The following RALYL variants were observed in gnomAD, a reference collection of about 807,000 sequenced individuals.
The protein encoded by RALYL is RNA-binding Raly-like protein.
RALYL carries 29 observed loss-of-function variants against 35.1 expected under a neutral mutation model. The ratio of observed to expected loss-of-function variants is 0.83; its 90% CI spans 0.61 to 1.13. The LOEUF (loss-of-function observed/expected upper bound fraction) is 1.13. Ranked by LOEUF, RALYL falls within the 50% of genes most tolerant of loss-of-function variation. The probability of loss-of-function intolerance (pLI) is 0.00; values close to 1 mark genes in which losing one functional copy is unlikely to be tolerated. For missense variants in RALYL, 359 were observed against 360.4 expected, an observed-to-expected ratio of 1.00 and a Z score of 0.03; for synonymous variants, 120 against 127.6, an observed-to-expected ratio of 0.94 and a Z score of 0.40.
chr8:84,633,818 A>G (rs1385361064), intron 2 of RALYL, among the ~76,000 whole-genome samples: 1 of 151,872 alleles, frequency 6.6e-6, no homozygotes, highest in Non-Finnish European at 1.5e-5. Context: ...CACCATAGAA[A>G]GATCCATCAA....
chr8:84,702,824 A>G (rs7014897), intron 2 of RALYL, among the ~76,000 whole-genome samples: 29,743 of 152,176 alleles, frequency 0.2, 3,147 homozygotes, highest in Non-Finnish European at 0.23. Context: ...CAATGTATCA[A>G]TGCTCACTAG....
intron 1 of RALYL, among the ~76,000 whole-genome samples, chr8:84,422,843 A>C (rs1052623151): frequency 6.7e-6 from 1 of 148,848 alleles, no homozygotes; most frequent in Non-Finnish European, 1.5e-5. Flanking sequence ...TTCAGTTTCC[A>C]TGTAGTTGAG....
chr8:84,582,175 C>A (rs1397665209), intron 2 of RALYL, among the ~76,000 whole-genome samples: 1 of 152,050 alleles, frequency 6.6e-6, no homozygotes. Context: ...CTATATATTT[C>A]AATATATTCA....
At chr8:84,468,710 G>T (rs1432070442) in intron 1 of RALYL, among the ~76,000 whole-genome samples, 2 of 150,696 alleles carry the variant, frequency 1.3e-5, no homozygotes, top group South Asian at 2.1e-4. Flanking sequence ...GACTGGGGAA[G>T]TTCTCCTGGA....
intron 2 of RALYL, among the ~76,000 whole-genome samples, chr8:84,591,741 C>A (rs1813337563): frequency 6.6e-6 from 1 of 152,066 alleles, no homozygotes; most frequent in Admixed American, 6.6e-5. Context: ...AGGACTTGAG[C>A]CAGACCTGGT....
chr8:84,278,461 G>T lies in RALYL; in HGVS notation c.-24+94037G>T, dbSNP rs1403704985. 2.0e-5 allele frequency among the ~76,000 whole-genome samples: 3 copies of T among 152,274 alleles called. No individual in the cohort carries two copies. In the East Asian group the frequency reaches 5.8e-4, roughly 29 times the overall value. On this transcript the variant is annotated intron_variant, in intron 1 of 8. Transcript: ENST00000521268. Reference sequence around the variant, plus strand: ...CCATTATCTTGGTGCTTAACATTTGGTTCCTCGTTAATTATGCAAATTTCT... The same window carrying T: ...CCATTATCTTGGTGCTTAACATTTGTTTCCTCGTTAATTATGCAAATTTCT...
chr8:84,620,048 T>C (rs1820940454), intron 2 of RALYL, among the ~76,000 whole-genome samples: 1 of 152,066 alleles, frequency 6.6e-6, no homozygotes, highest in Non-Finnish European at 1.5e-5. Context: ...ATTTCAACTT[T>C]GGTGAATCTG....
At chr8:84,237,803 G>A (rs1826920122) in intron 1 of RALYL, among the ~76,000 whole-genome samples, 2 of 152,028 alleles carry the variant, frequency 1.3e-5, no homozygotes, top group Non-Finnish European at 2.9e-5. Flanking sequence ...ATATGTGAAA[G>A]AACATTTCAG....
chr8:84,741,992 G>C (rs1399869562), intron 2 of RALYL, among the ~76,000 whole-genome samples: 1 of 151,494 alleles, frequency 6.6e-6, no homozygotes, highest in Non-Finnish European at 1.5e-5. Context: ...GGGGGATATG[G>C]GAGGAACTGA....
At chr8:84,639,029 GTATTA>G (rs1170667195) in intron 2 of RALYL, among the ~76,000 whole-genome samples, 2 of 145,600 alleles carry the variant, frequency 1.4e-5, no homozygotes, top group Non-Finnish European at 3.0e-5. Flanking sequence ...AATATTTAAT[GTATTA>G]TATTAGGCCT....
intron 5 of RALYL, among the ~76,000 whole-genome samples, chr8:84,853,391 G>A (rs1449514837): frequency 3.3e-5 from 5 of 152,304 alleles, no homozygotes; most frequent in Middle Eastern, 6.8e-3. Context: ...GAGATAGATC[G>A]ACAGATAGAT....
intron 1 of RALYL, among the ~76,000 whole-genome samples, chr8:84,435,934 G>A (rs562873158): frequency 7.9e-5 from 12 of 152,206 alleles, no homozygotes; most frequent in South Asian, 2.1e-4. Context: ...TAGAAATATG[G>A]TTGTTGTGGA....
chr8:84,185,594 G>T (rs1169192474), intron 1 of RALYL, among the ~76,000 whole-genome samples: 1 of 152,012 alleles, frequency 6.6e-6, no homozygotes, highest in East Asian at 1.9e-4. Context: ...TTAAAATCTG[G>T]AGAGTCACCA....
At chr8:84,423,527 T>C (rs2045944405) in intron 1 of RALYL, among the ~76,000 whole-genome samples, 2 of 152,210 alleles carry the variant, frequency 1.3e-5, no homozygotes, top group African/African-American at 4.8e-5. Context: ...TGTCTTTTAA[T>C]TGGAGAATTT....
At chr8:84,869,903 G>A (rs535635999) in intron 6 of RALYL, among the ~76,000 whole-genome samples, 2 of 152,228 alleles carry the variant, frequency 1.3e-5, no homozygotes, top group East Asian at 3.9e-4. Context: ...TTATGTCACA[G>A]CAGAAGGCAC....
chr8:84,523,496 G>GTTTTTTAT (rs1052880294), intron 1 of RALYL, among the ~76,000 whole-genome samples: 1 of 151,540 alleles, frequency 6.6e-6, no homozygotes, highest in Non-Finnish European at 1.5e-5. Flanking sequence ...TTCTGTTGTT[G>GTTTTTTAT]TTTTTTATTT....
intron 2 of RALYL, among the ~76,000 whole-genome samples, chr8:84,690,958 T>G (rs1316496655): frequency 6.6e-6 from 1 of 152,038 alleles, no homozygotes; most frequent in Non-Finnish European, 1.5e-5. Flanking sequence ...GAAAATGACA[T>G]AACTACTTTC....
chr8:84,857,164 G>C (rs1236247138), intron 5 of RALYL, among the ~76,000 whole-genome samples: 1 of 151,720 alleles, frequency 6.6e-6, no homozygotes, highest in Non-Finnish European at 1.5e-5. Flanking sequence ...ATAATGAAAA[G>C]GAAGGCTGGA....
At chr8:84,827,405 C>T (rs1829947912) in intron 4 of RALYL, among the ~76,000 whole-genome samples, 2 of 152,048 alleles carry the variant, frequency 1.3e-5, no homozygotes, top group African/African-American at 2.4e-5. Context: ...ATAAAAGCCA[C>T]ATACAAAGAA....
Sources: allele counts gnomAD v4.1 joint callset (sites outside exome capture counted in the v4.1 genomes callset), GRCh38; gene constraint gnomAD v4.1.1; transcripts MANE v1.5; gene names NCBI Gene and HGNC (gene_info 2026-07-23, HGNC 2026-07-21).